FAM76B: variants seen among roughly 807,000 people sequenced by gnomAD.
FAM76B encodes the protein family with sequence similarity 76 member B, also known as protein FAM76B.
Under a neutral mutation model 51.8 loss-of-function variants are expected in FAM76B, and 16 were observed. The ratio of observed to expected loss-of-function variants is 0.31; its 90% CI spans 0.21 to 0.47. The LOEUF (loss-of-function observed/expected upper bound fraction) is 0.47, where lower values mean the gene tolerates loss of function less well. FAM76B is among the 20% of genes least tolerant of loss of function. The probability of loss-of-function intolerance (pLI) is 1.00; values close to 1 mark genes in which losing one functional copy is unlikely to be tolerated. For synonymous variants in FAM76B, 166 were observed against 129.5 expected, an observed-to-expected ratio of 1.28 and a Z score of -1.91; for missense variants, 342 against 392.6, an observed-to-expected ratio of 0.87 and a Z score of 1.09.
chr11:95,778,697 T>C, intron 8 of FAM76B, 125 bp downstream of exon 8: 1 of 1,218,460 alleles, frequency 8.2e-7, no homozygotes, highest in Non-Finnish European at 1.1e-6. Context: ...TTTTGTAATT[T>C]GTCTTATAAA....
At position 95,783,054 on chromosome 11, in the gene FAM76B, A is replaced by C. The variant is rs1278751048; in HGVS notation, c.563+11T>G. On this transcript the variant is annotated intron_variant, in intron 5 of 9. Transcript: ENST00000358780. ...GAAGAGTTTTAGAAAATATGATTTCAAAGTACTTACTTGTGATGGCTACTG... is the reference window on the plus strand; with the variant it reads ...GAAGAGTTTTAGAAAATATGATTTCCAAGTACTTACTTGTGATGGCTACTG... 2 of 1,611,234 alleles carry C rather than the reference A, an allele frequency of 1.2e-6. No individual in the cohort carries two copies. Among genetic ancestry groups the C allele is most frequent in the African/African-American group, 1.3e-5 (1 of 74,824 alleles).
intron 1 of FAM76B, 131 bp downstream of exon 1, chr11:95,789,261 G>A: frequency 1.9e-6 from 2 of 1,054,044 alleles, no homozygotes; most frequent in Admixed American, 5.4e-5. Flanking sequence ...TCCCCGAGTG[G>A]GGAGGCGAGG....
chr11:95,779,165 A>G (rs1391021494), intron 7 of FAM76B: 9 of 1,559,062 alleles, frequency 5.8e-6, no homozygotes, highest in Non-Finnish European at 6.9e-6. Flanking sequence ...TATTAGCTTT[A>G]AGGGGGTCAA....
intron 9 of FAM76B, among the ~76,000 whole-genome samples, chr11:95,773,183 A>G (rs1405169481): frequency 6.6e-6 from 1 of 151,170 alleles, no homozygotes; most frequent in Non-Finnish European, 1.5e-5. Context: ...TACAAAATAC[A>G]ATAATTTGAA....
At chr11:95,782,335 C>T (rs964419208) in intron 5 of FAM76B, among the ~76,000 whole-genome samples, 2 of 151,648 alleles carry the variant, frequency 1.3e-5, no homozygotes, top group Non-Finnish European at 2.9e-5. Context: ...CAACCAAATA[C>T]GGATCAAAAA....
At chr11:95,772,815 C>T (rs1213254189) in intron 9 of FAM76B, among the ~76,000 whole-genome samples, 1 of 151,042 alleles carries the variant, frequency 6.6e-6, no homozygotes, top group African/African-American at 2.4e-5. Context: ...TTCCCCCACC[C>T]TTCTTCTCCA....
chr11:95,786,079 T>C lies in FAM76B; in HGVS notation c.363+40A>G, dbSNP rs1255150. On this transcript the variant is annotated intron_variant, in intron 4 of 9. Transcript: ENST00000358780. ...AATTTCCAACTTGTTTGGCATTTTA[T>C]TTAATTTCCAGAAGATGTCATAACA... is the stretch of plus-strand genomic sequence containing the variant. 0.094 allele frequency: 148,185 copies of C among 1,578,132 alleles called. 20,251 individuals are homozygous for C. Among genetic ancestry groups the C allele is most frequent in the African/African-American group, 0.63 (46,293 of 73,644 alleles).
chr11:95,788,847 A>T, intron 1 of FAM76B: 2 of 1,408,914 alleles, frequency 1.4e-6, no homozygotes, highest in Non-Finnish European at 9.4e-7. Context: ...GAAACTACTT[A>T]TTATTTTGCA....
In FAM76B at chr11:95,775,904, G is replaced by A. The variant is rs754132892; in HGVS notation, c.930+18C>T. On this transcript the variant is annotated intron_variant, in intron 9 of 9. Transcript: ENST00000358780. Reference sequence around the variant, plus strand: ...TAGCCCTTCTTGCCTATCATTTTACGTAAATGATGGTAGTTACCTGAAGTT... The same window carrying A: ...TAGCCCTTCTTGCCTATCATTTTACATAAATGATGGTAGTTACCTGAAGTT... 2.1e-5 allele frequency: 31 copies of A among 1,491,118 alleles called. No homozygotes were observed. The highest frequency in any genetic ancestry group is 1.5e-4 in the East Asian group (6 of 41,278). 92.4% of individuals were successfully genotyped at this position (1,491,118 alleles called of 1,614,324 possible). A position where few individuals can be genotyped will look rare whatever the true frequency, so the allele number is the denominator to read the frequency against.
rs1765935920 is a variant in FAM76B at position 95,770,049 on chromosome 11, T to C, written c.*1512A>G. 6.6e-6 allele frequency: 1 copy of C among 151,554 alleles called. No individual in the cohort carries two copies. Among genetic ancestry groups the C allele is most frequent in the Non-Finnish European group, 1.5e-5 (1 of 67,614 alleles). 9.4% of individuals were successfully genotyped at this position (151,554 alleles called of 1,614,324 possible). The stretch of plus-strand genomic sequence containing the variant: ...TATAAAACAAAACCTTTAAAACTTA[T>C]AAATTTAGTAACAGTTTTACATGAA... On this transcript the variant is annotated 3_prime_UTR_variant, in exon 10 of 10. Transcript: ENST00000358780.
intron 4 of FAM76B, among the ~76,000 whole-genome samples, chr11:95,784,730 G>A (rs770412583): frequency 2.6e-5 from 4 of 152,008 alleles, no homozygotes; most frequent in Non-Finnish European, 4.4e-5. Flanking sequence ...TGGGACTATA[G>A]GTGCCTGCCA....
chr11:95,783,768 GACTT>G (rs1860405109), intron 4 of FAM76B, among the ~76,000 whole-genome samples: 1 of 152,150 alleles, frequency 6.6e-6, no homozygotes, highest in Non-Finnish European at 1.5e-5. Context: ...CAAAAATCAA[GACTT>G]GTAGCACTTT....
At chr11:95,782,599 A>G (rs1345514050) in intron 5 of FAM76B, among the ~76,000 whole-genome samples, 1 of 152,184 alleles carries the variant, frequency 6.6e-6, no homozygotes, top group African/African-American at 2.4e-5. Context: ...GGGACCACAA[A>G]GATCAGAAAT....
In FAM76B at chr11:95,775,918, T is replaced by C; in HGVS notation, c.930+4A>G. On this transcript the variant is annotated splice_donor_region_variant and intron_variant, in intron 9 of 9. Coordinates refer to ENST00000358780, the MANE Select transcript of FAM76B (RefSeq NM_144664.5). Reference sequence around the variant, plus strand: ...TATCATTTTACGTAAATGATGGTAGTTACCTGAAGTTGTTCCACAGTTTCT... The same window carrying C: ...TATCATTTTACGTAAATGATGGTAGCTACCTGAAGTTGTTCCACAGTTTCT... 1 of 1,544,666 alleles carries C rather than the reference T, an allele frequency of 6.5e-7. No individual in the cohort carries two copies. The highest frequency in any genetic ancestry group is 8.7e-7 in the Non-Finnish European group (1 of 1,145,368).
intron 5 of FAM76B, among the ~76,000 whole-genome samples, chr11:95,782,214 T>TACATA (rs1334515519): frequency 1.3e-5 from 2 of 152,206 alleles, no homozygotes; most frequent in African/African-American, 4.8e-5. Context: ...AAGGTACTAC[T>TACATA]ACTACTACAT....
intron 4 of FAM76B, 141 bp from the exon 5 acceptor site, chr11:95,783,405 C>T: frequency 1.6e-6 from 1 of 625,710 alleles, no homozygotes; most frequent in Non-Finnish European, 2.7e-6. Flanking sequence ...CACGGATTTT[C>T]TGCAAAACAG....
At position 95,786,229 on chromosome 11, in the gene FAM76B, T is replaced by C; in HGVS notation, c.253A>G (p.Thr85Ala). The change falls in exon 4 of 10, where the codon ACC (threonine) becomes GCC (alanine). Residue 85 changes from threonine to alanine, a missense_variant. Transcript: ENST00000358780. ...YCNIIAAFIG[T>A]KCQRCTNSEK... ...GAATTTGTGCAACGCTGACACTTGG[T>C]ACCAATAAATGCTGCAATTATGTTA... 1 of 1,614,164 alleles carries C rather than the reference T, an allele frequency of 6.2e-7. No individual in the cohort carries two copies. Among genetic ancestry groups the C allele is most frequent in the African/African-American group, 1.3e-5 (1 of 75,060 alleles).
Position 95,771,484 on chromosome 11 carries a change from A to C in FAM76B, c.*77T>G. 8.7e-7 allele frequency: 1 copy of C among 1,152,092 alleles called. No individual in the cohort carries two copies. The highest frequency in any genetic ancestry group is 1.3e-6 in the Non-Finnish European group (1 of 786,678). 71.4% of individuals were successfully genotyped at this position (1,152,092 alleles called of 1,614,324 possible). ...GTGTGCAAAAATATTTTTCTACTAC[A>C]CAGAATTTAAGGGCTTCACAGAATT... On this transcript the variant is annotated 3_prime_UTR_variant, in exon 10 of 10. Coordinates refer to ENST00000358780, the MANE Select transcript of FAM76B (RefSeq NM_144664.5).
intron 5 of FAM76B, among the ~76,000 whole-genome samples, chr11:95,780,224 T>C (rs1460347054): frequency 1.3e-5 from 2 of 151,910 alleles, no homozygotes; most frequent in African/African-American, 2.4e-5. Flanking sequence ...TTTTCGTGCT[T>C]GTGTCTAGGT....
Sources: gnomAD v4.1 joint callset for allele counts (sites outside exome capture counted in the v4.1 genomes callset) on GRCh38, gnomAD v4.1.1 for gene constraint, MANE v1.5 for transcripts, NCBI Gene and HGNC (gene_info 2026-07-23, HGNC 2026-07-21) for gene names.